Variants in FRMD4A observed in about 807,000 individuals in gnomAD.
FRMD4A encodes FERM domain containing 4A.
A neutral mutation model predicts 129.1 loss-of-function variants in FRMD4A; 29 were observed. That is an observed-to-expected ratio of 0.22 (90% CI 0.17 to 0.31). The LOEUF (loss-of-function observed/expected upper bound fraction) is 0.31, where lower values mean the gene tolerates loss of function less well. Ranked by LOEUF, FRMD4A falls within the 10% of genes least tolerant of loss-of-function variation. The pLI, the probability that FRMD4A is intolerant of heterozygous loss-of-function variation, is 1.00. For synonymous variants in FRMD4A, 634 were observed against 571.6 expected (o/e 1.11, Z -1.56); for missense variants, 1,272 against 1,375.8 (o/e 0.92, Z 1.19).
intron 16 of FRMD4A, among the ~76,000 whole-genome samples, chr10:13,671,207 A>G (rs2083478933): frequency 6.6e-6 from 1 of 152,190 alleles, no homozygotes; most frequent in Non-Finnish European, 1.5e-5. Flanking sequence ...TAATCCCAGC[A>G]CTTTGGGAAG....
Position 14,229,942 on chromosome 10 carries a change from G to C in FRMD4A, c.45+100116C>G, listed in dbSNP as rs149007725. Among the ~76,000 whole-genome samples the C allele has an allele frequency of 5.8e-4, 89 of 152,310 alleles. 1 individual carries two copies. Among genetic ancestry groups the C allele is most frequent in the African/African-American group, 2.1e-3 (86 of 41,560 alleles). ...ATGAATTGTCCTATGAACTATAAAA[G>C]TTGAGTTCATGCCCTTTGAGAATTG... On this transcript the variant is annotated intron_variant, in intron 2 of 24. Coordinates refer to ENST00000357447, the MANE Select transcript of FRMD4A (RefSeq NM_018027.5).
chr10:14,053,403 C>G (rs1834357405), intron 2 of FRMD4A, among the ~76,000 whole-genome samples: 1 of 152,184 alleles, frequency 6.6e-6, no homozygotes, highest in Admixed American at 6.5e-5. Flanking sequence ...GCACCTTGTG[C>G]AGCCTGAAAA....
Position 14,066,008 on chromosome 10 carries a change from T to TGTGTGTGTGTG in FRMD4A, c.46-207097_46-207096insCACACACACAC, listed in dbSNP as rs1588899002. On this transcript the variant is annotated intron_variant, in intron 2 of 24. Transcript: ENST00000357447. Reference sequence around the variant, plus strand: ...GGAAGTATGAAGTGGGGGTATGTATTTGTGTGTGTGTGTGTGTGTGTGTGT... The same window carrying TGTGTGTGTGTG: ...GGAAGTATGAAGTGGGGGTATGTATTGTGTGTGTGTGTGTGTGTGTGTGTGTGTGTGTGTGT... Among the ~76,000 whole-genome samples, 407 of 139,220 alleles carry TGTGTGTGTGTG rather than the reference T, an allele frequency of 2.9e-3. 1 individual carries two copies. Among genetic ancestry groups the TGTGTGTGTGTG allele is most frequent in the African/African-American group, 0.01 (388 of 37,436 alleles). The allele number at this position is 139,220 out of a possible 152,430, so 91.3% of individuals were successfully genotyped here. A position where few individuals can be genotyped will look rare whatever the true frequency, so the allele number is the denominator to read the frequency against.
At chr10:14,016,063 C>T (rs2095698181) in intron 2 of FRMD4A, among the ~76,000 whole-genome samples, 1 of 152,194 alleles carries the variant, frequency 6.6e-6, no homozygotes, top group Admixed American at 6.5e-5. Flanking sequence ...TCCTCAAACT[C>T]AGCTCCTCTC....
intron 2 of FRMD4A, among the ~76,000 whole-genome samples, chr10:13,909,834 G>C (rs889559812): frequency 1.3e-5 from 2 of 152,194 alleles, no homozygotes; most frequent in Non-Finnish European, 2.9e-5. Flanking sequence ...ATCTGCTTCA[G>C]AATTGCCAGA....
At chr10:14,183,622 C>T (rs11815460) in intron 2 of FRMD4A, among the ~76,000 whole-genome samples, 1,645 of 151,944 alleles carry the variant, frequency 0.011, 26 homozygotes, top group African/African-American at 0.035. Context: ...CAATTTCTCA[C>T]TGTGTCAAAA....
intron 2 of FRMD4A, chr10:14,083,067 A>T (rs1399383832): frequency 6.6e-6 from 1 of 152,202 alleles, no homozygotes; most frequent in Non-Finnish European, 1.5e-5. Flanking sequence ...GGTCTGTCTG[A>T]CTGTAGAGCC....
intron 3 of FRMD4A, among the ~76,000 whole-genome samples, chr10:13,827,560 A>G (rs2093721470): frequency 6.6e-6 from 1 of 152,214 alleles, no homozygotes; most frequent in Non-Finnish European, 1.5e-5. Context: ...GCCAAACCAC[A>G]TAATAAATAT....
chr10:13,890,954 G>T, intron 2 of FRMD4A: 1 of 656,004 alleles, frequency 1.5e-6, no homozygotes, highest in Non-Finnish European at 1.9e-6. Context: ...GCACCAAGTC[G>T]CTCGTTACGC....
intron 2 of FRMD4A, among the ~76,000 whole-genome samples, chr10:13,961,290 C>T (rs2095444369): frequency 6.6e-6 from 1 of 152,182 alleles, no homozygotes; most frequent in Admixed American, 6.5e-5. Context: ...GACAATCATT[C>T]ACTGGAAACC....
At chr10:14,287,434 A>G (rs1276622440) in intron 2 of FRMD4A, among the ~76,000 whole-genome samples, 1 of 152,194 alleles carries the variant, frequency 6.6e-6, no homozygotes, top group Non-Finnish European at 1.5e-5. Context: ...AATGAATTGA[A>G]TGAAGTGATT....
intron 2 of FRMD4A, among the ~76,000 whole-genome samples, chr10:14,207,559 A>G (rs1842818668): frequency 6.6e-6 from 1 of 152,152 alleles, no homozygotes; most frequent in African/African-American, 2.4e-5. Context: ...AAAATGTATT[A>G]ATTACATTGT....
At chr10:14,298,824 G>A (rs1024812548) in intron 2 of FRMD4A, among the ~76,000 whole-genome samples, 1 of 152,184 alleles carries the variant, frequency 6.6e-6, no homozygotes, top group Admixed American at 6.5e-5. Context: ...ATGAGTAGGG[G>A]AGGAGGACAC....
intron 2 of FRMD4A, among the ~76,000 whole-genome samples, chr10:14,108,769 T>C (rs994536575): frequency 6.6e-6 from 1 of 152,082 alleles, no homozygotes; most frequent in African/African-American, 2.4e-5. Flanking sequence ...TGAAATAGAA[T>C]GAATTCCTGA....
chr10:14,303,799 T>G (rs1333227860), intron 2 of FRMD4A, among the ~76,000 whole-genome samples: 1 of 152,166 alleles, frequency 6.6e-6, no homozygotes, highest in Non-Finnish European at 1.5e-5. Flanking sequence ...TCATTCTGAT[T>G]TCTGTCTCTA....
intron 2 of FRMD4A, among the ~76,000 whole-genome samples, chr10:14,021,414 G>A (rs924178638): frequency 6.6e-6 from 1 of 151,704 alleles, no homozygotes; most frequent in African/African-American, 2.4e-5. Flanking sequence ...AAAAACAGCT[G>A]GGCATGGTGG....
rs751101545 is a variant in FRMD4A, at chr10:13,858,895, T to A, written c.63A>T (p.Arg21=). 1.9e-6 allele frequency: 3 copies of A among 1,601,618 alleles called. No individual in the cohort carries two copies. The highest frequency in any genetic ancestry group is 2.2e-5 in the South Asian group (2 of 90,838). The change falls in exon 3 of 25, where the codon CGA becomes CGT. Residue 21 remains arginine (R), a synonymous_variant. Transcript: ENST00000357447. ...TGTCATCAAGAAGATGTACTTGACA[T>A]CGGCGGCCCTCCGTCATCTAAGAGG... is the stretch of plus-strand genomic sequence containing the variant. ...LGLLMMTEGR[R]CQVHLLDDRK...
At chr10:13,648,725 G>A (rs559128638) in intron 24 of FRMD4A, 21 of 152,228 alleles carry the variant, frequency 1.4e-4, no homozygotes, top group African/African-American at 5.1e-4. Flanking sequence ...GCTTACGCTT[G>A]TTGAACTGAG....
intron 2 of FRMD4A, among the ~76,000 whole-genome samples, chr10:14,115,956 C>T (rs1323374821): frequency 6.6e-6 from 1 of 152,230 alleles, no homozygotes; most frequent in Non-Finnish European, 1.5e-5. Context: ...ATCAGCATTG[C>T]TGGCTGTATA....
Sources: gnomAD v4.1 joint callset for allele counts (sites outside exome capture counted in the v4.1 genomes callset) on GRCh38, gnomAD v4.1.1 for gene constraint, MANE v1.5 for transcripts, NCBI Gene and HGNC (gene_info 2026-07-23, HGNC 2026-07-21) for gene names.